Variants in TMEM131L observed in about 807,000 individuals in gnomAD.
TMEM131L encodes the protein transmembrane 131 like.
In TMEM131L, 54 loss-of-function variants were observed where a neutral mutation model predicts 192.2. The observed-to-expected ratio is 0.28, with a 90% CI of 0.23 to 0.35. TMEM131L has a LOEUF of 0.35. Among genes scored for constraint, TMEM131L ranks in the 10% least tolerant of loss-of-function variants. TMEM131L has a pLI of 1.00. For missense variants in TMEM131L, 1,888 were observed against 1,972.9 expected (o/e 0.96, Z 0.82); for synonymous variants, 701 against 704.9 (o/e 0.99, Z 0.09).
In TMEM131L at chr4:153,604,400, G is replaced by T; in HGVS notation, c.3388G>T (p.Asp1130Tyr). ...AAACTCACCTCAGTACCACCAGCCAGACTTGCCAGAAATTTCCAGGAAAAA... is the reference window on the plus strand; with the variant it reads ...AAACTCACCTCAGTACCACCAGCCATACTTGCCAGAAATTTCCAGGAAAAA... ...PRNSPQYHQP[D>Y]LPEISRKNNG... The change falls in exon 25 of 35, where the codon GAC becomes TAC. Residue 1130 changes from aspartate to tyrosine, a missense_variant. Coordinates refer to ENST00000409959, the MANE Select transcript of TMEM131L (RefSeq NM_001131007.2). 6.3e-7 allele frequency: 1 copy of T among 1,599,370 alleles called. No individual in the cohort carries two copies. Among genetic ancestry groups the T allele is most frequent in the African/African-American group, 1.4e-5 (1 of 73,854 alleles).
At chr4:153,628,936 C>G (rs1353733226) in intron 31 of TMEM131L, among the ~76,000 whole-genome samples, 3 of 152,194 alleles carry the variant, frequency 2.0e-5, no homozygotes, top group Non-Finnish European at 2.9e-5. Context: ...GCCTGCAAAG[C>G]TGTGGGCCCA....
chr4:153,514,999 CA>C (rs1319256115), intron 3 of TMEM131L, among the ~76,000 whole-genome samples: 3 of 151,924 alleles, frequency 2.0e-5, no homozygotes, highest in Admixed American at 1.3e-4. Flanking sequence ...TTAGTAGAGA[CA>C]GGGGTCTCCC....
chr4:153,583,075 T>A, intron 9 of TMEM131L, 115 bp from the exon 10 acceptor site: 1 of 651,832 alleles, frequency 1.5e-6, no homozygotes, highest in African/African-American at 1.9e-5. Context: ...TAACATTTTT[T>A]ATAGAAATGT....
At position 153,513,775 on chromosome 4, in the gene TMEM131L, G is replaced by C. The variant is rs575617034; in HGVS notation, c.240-36298G>C. Among the ~76,000 whole-genome samples the C allele has an allele frequency of 5.3e-5, 8 of 152,274 alleles. No homozygotes were observed. In the East Asian group the frequency reaches 1.5e-3, roughly 29 times the overall value. On this transcript the variant is annotated intron_variant, in intron 3 of 34. Transcript: ENST00000409959. ...AAAAGATGGCCTTGTGTAAATTAATGTGGTTCTCAGATGTTTTAGCAAAAA... is the reference window on the plus strand; with the variant it reads ...AAAAGATGGCCTTGTGTAAATTAATCTGGTTCTCAGATGTTTTAGCAAAAA...
At chr4:153,502,872 T>C (rs542605758) in intron 3 of TMEM131L, among the ~76,000 whole-genome samples, 43 of 152,340 alleles carry the variant, frequency 2.8e-4, no homozygotes, top group Non-Finnish European at 2.2e-4. Context: ...TTTCACATTA[T>C]TACCTTCTAT....
At chr4:153,541,240 C>A (rs1318198712) in intron 3 of TMEM131L, among the ~76,000 whole-genome samples, 1 of 152,126 alleles carries the variant, frequency 6.6e-6, no homozygotes, top group Non-Finnish European at 1.5e-5. Flanking sequence ...TAGGGTTTTG[C>A]AAAGTCCTTT....
chr4:153,492,055 T>C (rs1026675930), intron 3 of TMEM131L, among the ~76,000 whole-genome samples: 1 of 151,958 alleles, frequency 6.6e-6, no homozygotes, highest in Admixed American at 6.6e-5. Flanking sequence ...AGCTGGAGTG[T>C]AGGTAGCATG....
chr4:153,580,808 C>T lies in TMEM131L; in HGVS notation c.661-18C>T. On this transcript the variant is annotated intron_variant, in intron 7 of 34. Coordinates refer to ENST00000409959, the MANE Select transcript of TMEM131L (RefSeq NM_001131007.2). ...GCCTTTTACTTAAAGTTCTTTTCCTCCTTTTTTCTTCTTTTAGGCAGAAAC... is the reference window on the plus strand; with the variant it reads ...GCCTTTTACTTAAAGTTCTTTTCCTTCTTTTTTCTTCTTTTAGGCAGAAAC... The T allele has an allele frequency of 6.5e-7, 1 of 1,546,344 alleles. No homozygotes were observed. Among genetic ancestry groups the T allele is most frequent in the Non-Finnish European group, 8.9e-7 (1 of 1,120,590 alleles).
chr4:153,620,588 T>A (rs113296409), intron 26 of TMEM131L, among the ~76,000 whole-genome samples, 168 bp from the exon 27 acceptor site: 1 of 152,192 alleles, frequency 6.6e-6, no homozygotes, highest in African/African-American at 2.4e-5. Flanking sequence ...TTGAGGGAAG[T>A]AGCGCAAGAG....
At chr4:153,567,907 A>G (rs898076363) in intron 7 of TMEM131L, among the ~76,000 whole-genome samples, 8 of 152,068 alleles carry the variant, frequency 5.3e-5, no homozygotes, top group Non-Finnish European at 1.2e-4. Flanking sequence ...GCTCTCTGGA[A>G]ATCCTTCCCT....
At chr4:153,525,240 G>A (rs183160935) in intron 3 of TMEM131L, among the ~76,000 whole-genome samples, 1 of 152,254 alleles carries the variant, frequency 6.6e-6, no homozygotes, top group East Asian at 1.9e-4. Flanking sequence ...GGATTTTTCC[G>A]TTTTTAAAAA....
chr4:153,474,588 T>C (rs1731393390), intron 3 of TMEM131L, among the ~76,000 whole-genome samples: 1 of 152,168 alleles, frequency 6.6e-6, no homozygotes, highest in Non-Finnish European at 1.5e-5. Flanking sequence ...TGTTAAAGAA[T>C]TTTAACCAGG....
chr4:153,541,757 A>G (rs566554487), intron 3 of TMEM131L, among the ~76,000 whole-genome samples: 3 of 152,380 alleles, frequency 2.0e-5, no homozygotes, highest in Admixed American at 2.0e-4. Context: ...AACCAGGCCC[A>G]GAAACCAAGC....
chr4:153,577,733 TGAG>T (rs1243187284), intron 7 of TMEM131L, among the ~76,000 whole-genome samples: 5 of 152,136 alleles, frequency 3.3e-5, no homozygotes, highest in Admixed American at 2.6e-4. Context: ...TGGATTTGTT[TGAG>T]GAGAGTATGA....
At chr4:153,567,021 G>C (rs1001394280) in intron 7 of TMEM131L, among the ~76,000 whole-genome samples, 6 of 152,204 alleles carry the variant, frequency 3.9e-5, no homozygotes, top group Non-Finnish European at 8.8e-5. Flanking sequence ...GGCCTGGGGT[G>C]GGTGCCTCAA....
intron 33 of TMEM131L, 114 bp from the exon 34 acceptor site, chr4:153,635,318 T>G: frequency 2.1e-6 from 2 of 943,662 alleles, no homozygotes. Flanking sequence ...ACCAAGTATT[T>G]ATGTCTGTAA....
chr4:153,529,003 A>G (rs1055255614), intron 3 of TMEM131L, among the ~76,000 whole-genome samples: 1 of 151,890 alleles, frequency 6.6e-6, no homozygotes, highest in Non-Finnish European at 1.5e-5. Context: ...GGATCCAGTG[A>G]GCTGAGGAAG....
chr4:153,602,082 AT>A, intron 21 of TMEM131L, 69 bp from the exon 22 acceptor site: 1 of 949,282 alleles, frequency 1.1e-6, no homozygotes, highest in East Asian at 2.8e-5. Flanking sequence ...ATAAATATCG[AT>A]CCAATAAATT....
rs186684017 is a variant in TMEM131L, at chr4:153,494,000, A to G, written c.239+20112A>G. Among the ~76,000 whole-genome samples, 328 of 152,118 alleles carry G rather than the reference A, an allele frequency of 2.2e-3. 1 individual carries two copies. The highest frequency in any genetic ancestry group is 7.5e-3 in the African/African-American group (312 of 41,480). ...TTCCGGGTGACAGAATCCTTTTTTT[A>G]ATGAGTTGTGTCTGAGAAGCTAGAA... On this transcript the variant is annotated intron_variant, in intron 3 of 34. Transcript: ENST00000409959.
Sources: allele counts gnomAD v4.1 joint callset (sites outside exome capture counted in the v4.1 genomes callset), GRCh38; gene constraint gnomAD v4.1.1; transcripts MANE v1.5; gene names NCBI Gene and HGNC (gene_info 2026-07-23, HGNC 2026-07-21).